The following ENTREP2 variants were observed in gnomAD, a reference collection of about 807,000 sequenced individuals.
ENTREP2 encodes endosomal transmembrane epsin interactor 2, also known as protein ENTREP2.
chr15:29,568,186 G>A, the ENTREP2 span, among the ~76,000 whole-genome samples: 2 of 152,348 alleles, frequency 1.3e-5, no homozygotes, highest in East Asian at 3.9e-4. Context: ...CTTTCAAGGT[G>A]CTTGCAGCAA....
At chr15:29,606,324 T>C in the ENTREP2 span, among the ~76,000 whole-genome samples, 8,389 of 149,014 alleles carry the variant, frequency 0.056, 274 homozygotes, top group East Asian at 0.16. Context: ...AACCTCCACC[T>C]CCTGGGTTCA....
At chr15:29,586,944 T>C in the ENTREP2 span, among the ~76,000 whole-genome samples, 3 of 152,160 alleles carry the variant, frequency 2.0e-5, no homozygotes, top group African/African-American at 7.2e-5. Context: ...ATACTTAGCA[T>C]AATACAAGAT....
chr15:29,363,995 T>C, the ENTREP2 span, among the ~76,000 whole-genome samples: 97 of 152,174 alleles, frequency 6.4e-4, no homozygotes, highest in South Asian at 0.013. Context: ...TTGCTCTCCA[T>C]AACCTAAGAA....
At chr15:29,650,623 C>A in the ENTREP2 span, among the ~76,000 whole-genome samples, 1 of 151,658 alleles carries the variant, frequency 6.6e-6, no homozygotes, top group African/African-American at 2.4e-5. Flanking sequence ...AAAAAAAATT[C>A]TTGTTACCCT....
chr15:29,408,151 T>C, the ENTREP2 span, among the ~76,000 whole-genome samples: 1 of 152,178 alleles, frequency 6.6e-6, no homozygotes, highest in African/African-American at 2.4e-5. Flanking sequence ...ATCTCCATGG[T>C]GGCTCCAGAG....
At chr15:29,498,874 G>T in the ENTREP2 span, among the ~76,000 whole-genome samples, 7 of 152,108 alleles carry the variant, frequency 4.6e-5, no homozygotes, top group African/African-American at 1.4e-4. Flanking sequence ...TCCTCTTAAT[G>T]AATTGATCCC....
At chr15:29,650,453 C>T in the ENTREP2 span, among the ~76,000 whole-genome samples, 7 of 151,934 alleles carry the variant, frequency 4.6e-5, no homozygotes, top group East Asian at 1.9e-4. Flanking sequence ...ATTAGCCAGG[C>T]GTGGTGGTAC....
the ENTREP2 span, among the ~76,000 whole-genome samples, chr15:29,288,431 G>A: frequency 6.6e-6 from 1 of 152,296 alleles, no homozygotes; most frequent in Non-Finnish European, 1.5e-5. Flanking sequence ...CTCTACACTG[G>A]CTGTTCTCTC....
the ENTREP2 span, among the ~76,000 whole-genome samples, chr15:29,129,149 C>T: frequency 2.8e-4 from 43 of 152,214 alleles, no homozygotes; most frequent in Admixed American, 1.2e-3. Flanking sequence ...CTGCAACATC[C>T]GCTGCCCGGA....
chr15:29,142,954 A>T, the ENTREP2 span, among the ~76,000 whole-genome samples: 1 of 152,194 alleles, frequency 6.6e-6, no homozygotes, highest in Non-Finnish European at 1.5e-5. Context: ...GTATCATCAG[A>T]ATGTCTTTTG....
chr15:29,450,359 G>T, the ENTREP2 span, among the ~76,000 whole-genome samples: 1 of 151,994 alleles, frequency 6.6e-6, no homozygotes, highest in Non-Finnish European at 1.5e-5. Context: ...TTATAGTTTT[G>T]GGTTTTTACA....
the ENTREP2 span, among the ~76,000 whole-genome samples, chr15:29,144,027 C>G: frequency 6.6e-6 from 1 of 152,120 alleles, no homozygotes; most frequent in Non-Finnish European, 1.5e-5. Flanking sequence ...CGCAGGAAAA[C>G]CCAGAAGCTG....
the ENTREP2 span, among the ~76,000 whole-genome samples, chr15:29,451,512 C>A: frequency 6.6e-6 from 1 of 152,144 alleles, no homozygotes; most frequent in Non-Finnish European, 1.5e-5. Context: ...AGTCACAAGT[C>A]AGGCAAGTCC....
chr15:29,380,105 G>A, the ENTREP2 span, among the ~76,000 whole-genome samples: 55 of 152,286 alleles, frequency 3.6e-4, no homozygotes, highest in South Asian at 0.011. Flanking sequence ...AAACAAGATG[G>A]GCCAGATGTT....
At chr15:29,487,158 T>A in the ENTREP2 span, among the ~76,000 whole-genome samples, 1,088 of 152,318 alleles carry the variant, frequency 7.1e-3, 10 homozygotes, top group Non-Finnish European at 0.011. Flanking sequence ...ATATGTACAG[T>A]TATTATTTGA....
the ENTREP2 span, among the ~76,000 whole-genome samples, chr15:29,174,930 A>G: frequency 2.6e-5 from 4 of 152,220 alleles, no homozygotes; most frequent in Admixed American, 2.6e-4. Flanking sequence ...TAATGCATGA[A>G]TTTGTGGTTT....
the ENTREP2 span, among the ~76,000 whole-genome samples, chr15:29,421,752 A>C: frequency 2.6e-5 from 4 of 152,278 alleles, no homozygotes; most frequent in Admixed American, 1.3e-4. Flanking sequence ...AAGAGAGCTT[A>C]CTCTCCTAAA....
chr15:29,328,425 T>A, the ENTREP2 span, among the ~76,000 whole-genome samples: 1 of 152,194 alleles, frequency 6.6e-6, no homozygotes, highest in Admixed American at 6.5e-5. Flanking sequence ...TGCTAACTTT[T>A]AAAAAGTATT....
chr15:29,655,658 A>G, the ENTREP2 span, among the ~76,000 whole-genome samples: 22,414 of 152,134 alleles, frequency 0.15, 3,240 homozygotes, highest in African/African-American at 0.38. Flanking sequence ...TACATGAGCC[A>G]ATCATGAATT....
Sources: allele counts gnomAD v4.1 joint callset (sites outside exome capture counted in the v4.1 genomes callset), GRCh38; gene constraint gnomAD v4.1.1; transcripts MANE v1.5; gene names NCBI Gene and HGNC (gene_info 2026-07-23, HGNC 2026-07-21).